The following HTR1E variants were observed in gnomAD, a reference collection of about 807,000 sequenced individuals.
The protein encoded by HTR1E is 5-HT-1E.
Under a neutral mutation model 3.4 loss-of-function variants are expected in HTR1E, and 3 were observed. That is an observed-to-expected ratio of 0.89 (90% CI 0.41 to 2.31). The LOEUF is 2.31. Among genes scored for constraint, HTR1E ranks in the 30% most tolerant of loss-of-function variants. The pLI is 0.05. For missense variants in HTR1E, 392 were observed against 467.0 expected (o/e 0.84, Z 1.48); for synonymous variants, 170 against 182.8 (o/e 0.93, Z 0.56).
At chr6:86,943,536 G>T (rs1187531194) in intron 1 of HTR1E, among the ~76,000 whole-genome samples, 1 of 152,174 alleles carries the variant, frequency 6.6e-6, no homozygotes, top group Non-Finnish European at 1.5e-5. Flanking sequence ...CCTCCTTTCA[G>T]GGAAGTTTCT....
chr6:86,958,271 G>T (rs1384268967), intron 1 of HTR1E, among the ~76,000 whole-genome samples: 1 of 152,012 alleles, frequency 6.6e-6, no homozygotes, highest in Non-Finnish European at 1.5e-5. Context: ...TGTTAGCCAG[G>T]ATGGTCTCGA....
At chr6:86,965,476 C>T (rs1312032833) in intron 1 of HTR1E, among the ~76,000 whole-genome samples, 1 of 152,154 alleles carries the variant, frequency 6.6e-6, no homozygotes, top group African/African-American at 2.4e-5. Context: ...CCATCACCCA[C>T]ATAAATTCTG....
intron 1 of HTR1E, among the ~76,000 whole-genome samples, chr6:86,991,017 T>C (rs528506102): frequency 3.3e-5 from 5 of 152,278 alleles, no homozygotes; most frequent in African/African-American, 1.2e-4. Context: ...TCTAATATGA[T>C]CTAATGAGAA....
chr6:87,002,681 G>A lies in HTR1E; in HGVS notation c.-185-12469G>A, dbSNP rs150761515. ...GGTGCATTTTTACAGAGTGCTGATT[G>A]GTGTGTTTACAATCCTTTAGCTAGA... On this transcript the variant is annotated intron_variant, in intron 1 of 1. Transcript: ENST00000305344. Among the ~76,000 whole-genome samples, 49 of 152,240 alleles carry A rather than the reference G, an allele frequency of 3.2e-4. No homozygotes were observed. The East Asian group carries it at 7.7e-3, about 24-fold the overall frequency.
intron 1 of HTR1E, among the ~76,000 whole-genome samples, chr6:86,982,914 A>C (rs2127825854): frequency 6.6e-6 from 1 of 152,312 alleles, no homozygotes; most frequent in South Asian, 2.1e-4. Context: ...ATGTTATCTG[A>C]TTAAAGAAAG....
intron 1 of HTR1E, among the ~76,000 whole-genome samples, chr6:86,989,337 T>A (rs1487084792): frequency 6.6e-6 from 1 of 152,172 alleles, no homozygotes; most frequent in Non-Finnish European, 1.5e-5. Flanking sequence ...TATGCCCTGA[T>A]GAGAAGTGGT....
At chr6:86,994,790 T>C (rs1767913112) in intron 1 of HTR1E, among the ~76,000 whole-genome samples, 1 of 152,022 alleles carries the variant, frequency 6.6e-6, no homozygotes, top group Admixed American at 6.5e-5. Context: ...TCTGATGTGG[T>C]TCTCAGTGGA....
intron 1 of HTR1E, among the ~76,000 whole-genome samples, chr6:86,985,674 G>A (rs951659519): frequency 6.6e-6 from 1 of 152,146 alleles, no homozygotes; most frequent in Admixed American, 6.5e-5. Flanking sequence ...ACTGGGTGAT[G>A]GGTCCTCTTA....
At chr6:86,959,465 C>T (rs1453831657) in intron 1 of HTR1E, among the ~76,000 whole-genome samples, 3 of 151,852 alleles carry the variant, frequency 2.0e-5, no homozygotes, top group African/African-American at 7.3e-5. Flanking sequence ...GTATGTAATC[C>T]CCAGCTATTC....
chr6:87,006,750 G>T (rs1768115155), intron 1 of HTR1E, among the ~76,000 whole-genome samples: 1 of 152,134 alleles, frequency 6.6e-6, no homozygotes, highest in African/African-American at 2.4e-5. Flanking sequence ...CCATAAAAAA[G>T]GAATGAGATC....
intron 1 of HTR1E, among the ~76,000 whole-genome samples, chr6:86,999,020 C>A (rs931131366): frequency 6.6e-6 from 1 of 152,128 alleles, no homozygotes; most frequent in South Asian, 2.1e-4. Context: ...AGTGCAGTAG[C>A]GTGATCTCAG....
chr6:87,015,274 T>C lies in HTR1E; in HGVS notation c.-61T>C, dbSNP rs1768301463. ...GTGAGAAACCTTCGAGGCTACATAGTTTTCAGCCAAAGGAAAATAACCAAC... is the reference window on the plus strand; with the variant it reads ...GTGAGAAACCTTCGAGGCTACATAGCTTTCAGCCAAAGGAAAATAACCAAC... On this transcript the variant is annotated 5_prime_UTR_variant, in exon 2 of 2. Transcript: ENST00000305344. The C allele has an allele frequency of 1.4e-6, 2 of 1,440,500 alleles. No individual in the cohort carries two copies. Among genetic ancestry groups the C allele is most frequent in the Admixed American group, 4.7e-5 (2 of 42,376 alleles). The allele number at this position is 1,440,500 out of a possible 1,614,324, so 89.2% of individuals were successfully genotyped here. A position where few individuals can be genotyped will look rare whatever the true frequency, so the allele number is the denominator to read the frequency against.
chr6:86,971,961 A>G (rs1230675409), intron 1 of HTR1E, among the ~76,000 whole-genome samples: 1 of 152,190 alleles, frequency 6.6e-6, no homozygotes, highest in Non-Finnish European at 1.5e-5. Flanking sequence ...TACTTAGTGT[A>G]ATCTACAAGG....
intron 1 of HTR1E, among the ~76,000 whole-genome samples, chr6:86,941,475 C>A (rs887083850): frequency 6.6e-6 from 1 of 152,156 alleles, no homozygotes; most frequent in African/African-American, 2.4e-5. Flanking sequence ...CCCTAAAACA[C>A]GTCAAATGAA....
chr6:87,002,781 A>G (rs1768044392), intron 1 of HTR1E, among the ~76,000 whole-genome samples: 1 of 152,242 alleles, frequency 6.6e-6, no homozygotes, highest in African/African-American at 2.4e-5. Context: ...CCTGACCCAG[A>G]AGCCCAGCTG....
intron 1 of HTR1E, among the ~76,000 whole-genome samples, chr6:86,983,950 G>T (rs2127826112): frequency 6.6e-6 from 1 of 152,086 alleles, no homozygotes; most frequent in African/African-American, 2.4e-5. Context: ...TATACTCCTA[G>T]AATTATTTGA....
intron 1 of HTR1E, among the ~76,000 whole-genome samples, chr6:86,991,236 A>G (rs1039804095): frequency 2.0e-5 from 3 of 152,152 alleles, no homozygotes; most frequent in Non-Finnish European, 4.4e-5. Context: ...ATTAAATACA[A>G]TGTGGTGTCC....
chr6:86,943,687 G>C (rs1768574972), intron 1 of HTR1E, among the ~76,000 whole-genome samples: 1 of 152,178 alleles, frequency 6.6e-6, no homozygotes, highest in Non-Finnish European at 1.5e-5. Context: ...TCCCAGCTCT[G>C]CCATTCATTA....
intron 1 of HTR1E, among the ~76,000 whole-genome samples, chr6:86,952,743 A>G (rs1052720798): frequency 1.3e-5 from 2 of 152,204 alleles, no homozygotes; most frequent in African/African-American, 4.8e-5. Context: ...CATTTTGTTC[A>G]GAAAAATAGC....
Sources: gnomAD v4.1 joint callset for allele counts (sites outside exome capture counted in the v4.1 genomes callset) on GRCh38, gnomAD v4.1.1 for gene constraint, MANE v1.5 for transcripts, NCBI Gene and HGNC (gene_info 2026-07-23, HGNC 2026-07-21) for gene names.